Variants in ANKRD16 observed in about 807,000 individuals in gnomAD.
ANKRD16 encodes ankyrin repeat domain-containing protein 16.
In ANKRD16, 35 loss-of-function variants were observed where a neutral mutation model predicts 37.9. The observed-to-expected ratio is 0.92, with a 90% CI of 0.71 to 1.23. The LOEUF is 1.23. ANKRD16 is among the 50% of genes most tolerant of loss of function. ANKRD16 has a pLI of 0.00. For synonymous variants in ANKRD16, 206 were observed against 197.2 expected, an observed-to-expected ratio of 1.04 and a Z score of -0.37; for missense variants, 480 against 469.9, an observed-to-expected ratio of 1.02 and a Z score of -0.20.
In ANKRD16 at chr10:5,861,983, G is replaced by A. The variant is rs1447263244; in HGVS notation, c.*742C>T. 2 of 150,082 alleles carry A rather than the reference G, an allele frequency of 1.3e-5. No homozygotes were observed. Among genetic ancestry groups the A allele is most frequent in the Admixed American group, 1.4e-4 (2 of 14,752 alleles). The allele number at this position is 150,082 out of a possible 1,614,324, so 9.3% of individuals were successfully genotyped here. ...GTGGCGCATATTCGGCTCACTGCAA[G>A]CTCTGCCTCCAGGGTTCACAGCATT... On this transcript the variant is annotated 3_prime_UTR_variant, in exon 8 of 8. Coordinates refer to ENST00000380094, the MANE Select transcript of ANKRD16 (RefSeq NM_019046.3).
rs1445314222 is a variant in ANKRD16, at chr10:5,862,136, C to G, written c.*589G>C. 1 of 211,472 alleles carries G rather than the reference C, an allele frequency of 4.7e-6. No homozygotes were observed. Among genetic ancestry groups the G allele is most frequent in the Non-Finnish European group, 9.8e-6 (1 of 102,548 alleles). The allele number at this position is 211,472 out of a possible 1,614,324, so 13.1% of individuals were successfully genotyped here. On this transcript the variant is annotated 3_prime_UTR_variant, in exon 8 of 8. Coordinates refer to ENST00000380094, the MANE Select transcript of ANKRD16 (RefSeq NM_019046.3). This position sits in a 1 kb window ranked among gnomAD's most constrained non-coding sequence, Gnocchi z 6.5. Reference sequence around the variant, plus strand: ...GCCAGGATGGTCTCGATCTCCTGACCTCATGATCCTCCCGCCTCGGCCTCC... The same window carrying G: ...GCCAGGATGGTCTCGATCTCCTGACGTCATGATCCTCCCGCCTCGGCCTCC...
intron 5 of ANKRD16, among the ~76,000 whole-genome samples, chr10:5,881,436 ATT>A (rs879691099): frequency 4.8e-5 from 1 of 21,044 alleles, no homozygotes; most frequent in African/African-American, 1.5e-4. Context: ...TAAAAATATT[ATT>A]TATATATATA....
rs1842069126 is a variant in ANKRD16 at position 5,870,378 on chromosome 10, A to C, written c.*34-7687T>G. ...TTCCCTGCGACTCTGCCCGGGCACC[A>C]GCCAGTCCTCATTCCCTCCCTACTG... On this transcript the variant is annotated intron_variant, in intron 7 of 7. Transcript: ENST00000380094. This position sits in a 1 kb window ranked among gnomAD's most constrained non-coding sequence, Gnocchi z 5.0. 6.7e-6 allele frequency among the ~76,000 whole-genome samples: 1 copy of C among 148,960 alleles called. No homozygotes were observed.
At chr10:5,873,560 CT>C (rs1842136897) in intron 7 of ANKRD16, among the ~76,000 whole-genome samples, 1 of 152,146 alleles carries the variant, frequency 6.6e-6, no homozygotes. Flanking sequence ...TTCTCCTTTA[CT>C]ATCTTCTGTA....
intron 7 of ANKRD16, among the ~76,000 whole-genome samples, chr10:5,872,266 G>A (rs933472636): frequency 6.6e-6 from 1 of 152,004 alleles, no homozygotes; most frequent in African/African-American, 2.4e-5. Context: ...ATCACTCGAG[G>A]TCAGGAGTTT....
Position 5,878,264 on chromosome 10 carries a change from G to A in ANKRD16, c.952C>T (p.Gln318Ter), listed in dbSNP as rs1310300964. Residue 318 changes from glutamine to a stop codon, truncating the protein, a stop_gained, in exon 7 of 8, where the codon CAG becomes TAG. Transcript: ENST00000380094. LOFTEE classifies it high-confidence loss of function. The surrounding 1 kb of genome is among the most constrained non-coding windows in gnomAD (Gnocchi z 5.1). The part of the protein sequence containing the change: ...RSALHLACAG[Q>*]HLACAKFLLQ... ...AGAAACTTGGCACAGGCCAAGTGCT[G>A]ACCTGCACAGGCCAGATGCAGGGCT... 6.2e-7 allele frequency: 1 copy of A among 1,613,826 alleles called. No homozygotes were observed. The highest frequency in any genetic ancestry group is 8.5e-7 in the Non-Finnish European group (1 of 1,179,996).
chr10:5,880,991 G>A (rs1420549949), intron 5 of ANKRD16: 2 of 147,612 alleles, frequency 1.4e-5, no homozygotes, highest in African/African-American at 2.5e-5. Context: ...TAGAGACAAG[G>A]TCTCACTATG....
intron 6 of ANKRD16, among the ~76,000 whole-genome samples, chr10:5,879,437 CAGA>C (rs1842247625): frequency 6.6e-6 from 1 of 150,780 alleles, no homozygotes; most frequent in Non-Finnish European, 1.5e-5. Flanking sequence ...CACTGCCCTC[CAGA>C]CTGGGTGACA....
rs565214354 is a variant in ANKRD16 at position 5,889,429 on chromosome 10, G to A, written c.-75C>T. ...GCGGCCGGGCAGGGAGAAGCCGAGG[G>A]CGAGTGGGACTTTCCGCCTCTTCAC... On this transcript the variant is annotated 5_prime_UTR_variant, in exon 1 of 8. Transcript: ENST00000380094. 149 of 1,075,648 alleles carry A rather than the reference G, an allele frequency of 1.4e-4. No homozygotes were observed. The East Asian group carries it at 5.9e-3, about 43-fold the overall frequency. 66.6% of individuals were successfully genotyped at this position (1,075,648 alleles called of 1,614,324 possible).
Position 5,883,968 on chromosome 10 carries a change from C to A in ANKRD16, c.687+1G>T, listed in dbSNP as rs776763829. The A allele has an allele frequency of 1.2e-6, 2 of 1,613,030 alleles. No individual in the cohort carries two copies. Among genetic ancestry groups the A allele is most frequent in the South Asian group, 1.1e-5 (1 of 91,018 alleles). ...GAATAAAAACACAACCATTTTTATA[C>A]CCCATGTTCATCGAGGAGCAGCCTA... On this transcript the variant is annotated splice_donor_variant, in intron 4 of 7. Coordinates refer to ENST00000380094, the MANE Select transcript of ANKRD16 (RefSeq NM_019046.3). LOFTEE classifies it high-confidence loss of function.
rs1487093354 is a variant in ANKRD16 at position 5,869,281 on chromosome 10, T to C, written c.*34-6590A>G. ...ATGTCTGAATTAATCAAACTGTATA[T>C]ATCAAGGATGTGCAGCTTTGTGTAC... On this transcript the variant is annotated intron_variant, in intron 7 of 7. Transcript: ENST00000380094. This position sits in a 1 kb window ranked among gnomAD's most constrained non-coding sequence, Gnocchi z 4.0. Among the ~76,000 whole-genome samples, 1 of 152,166 alleles carries C rather than the reference T, an allele frequency of 6.6e-6. No homozygotes were observed. The highest frequency in any genetic ancestry group is 1.5e-5 in the Non-Finnish European group (1 of 68,024).
chr10:5,887,810 T>C (rs1308066320), intron 2 of ANKRD16, 37 bp downstream of exon 2: 2 of 1,551,812 alleles, frequency 1.3e-6, no homozygotes, highest in African/African-American at 2.7e-5. Flanking sequence ...AGCAGCCACA[T>C]GTGTGTACTG....
Position 5,865,210 on chromosome 10 carries a change from G to A in ANKRD16, c.*34-2519C>T, listed in dbSNP as rs1841995871. On this transcript the variant is annotated intron_variant, in intron 7 of 7. Coordinates refer to ENST00000380094, the MANE Select transcript of ANKRD16 (RefSeq NM_019046.3). The surrounding 1 kb of genome is among the most constrained non-coding windows in gnomAD (Gnocchi z 4.7). ...CCTGGTAGGGCTTGTTACCAGTGTG[G>A]TTTGCAAGGACACCTTAAAAAAGAC... Among the ~76,000 whole-genome samples the A allele has an allele frequency of 6.6e-6, 1 of 152,150 alleles. No homozygotes were observed. The highest frequency in any genetic ancestry group is 1.5e-5 in the Non-Finnish European group (1 of 68,024).
At chr10:5,877,267 C>T (rs1186763664) in intron 7 of ANKRD16, among the ~76,000 whole-genome samples, 1 of 152,212 alleles carries the variant, frequency 6.6e-6, no homozygotes, top group Non-Finnish European at 1.5e-5. Flanking sequence ...CATGCACCAG[C>T]ACAGCTGGCT....
At position 5,868,767 on chromosome 10, in the gene ANKRD16, G is replaced by A. The variant is rs773850318; in HGVS notation, c.*34-6076C>T. The stretch of plus-strand genomic sequence containing the variant: ...CCTTAAGAGCTGTAACATTCACTGC[G>A]AGGGTCTGCGGCTTCATTCCTTAAG... On this transcript the variant is annotated intron_variant, in intron 7 of 7. Coordinates refer to ENST00000380094, the MANE Select transcript of ANKRD16 (RefSeq NM_019046.3). The surrounding 1 kb of genome is among the most constrained non-coding windows in gnomAD (Gnocchi z 4.9). Among the ~76,000 whole-genome samples the A allele has an allele frequency of 1.3e-5, 2 of 152,192 alleles. No individual in the cohort carries two copies. The highest frequency in any genetic ancestry group is 4.8e-5 in the African/African-American group (2 of 41,440).
rs2203196 is a variant in ANKRD16 at position 5,866,246 on chromosome 10, G to A, written c.*34-3555C>T. On this transcript the variant is annotated intron_variant, in intron 7 of 7. Transcript: ENST00000380094. The surrounding 1 kb of genome is among the most constrained non-coding windows in gnomAD (Gnocchi z 4.3). ...CTTTTCTCCCAGAGGATGGGGAACC[G>A]ATCGAGCATGACTGCCAACAAGTTA... Among the ~76,000 whole-genome samples, 67,139 of 152,024 alleles carry A rather than the reference G, an allele frequency of 0.44. 15,711 individuals carry two copies. Among genetic ancestry groups the A allele is most frequent in the African/African-American group, 0.56 (23,280 of 41,458 alleles).
intron 3 of ANKRD16, 79 bp downstream of exon 3, chr10:5,885,644 G>A (rs930186079): frequency 1.5e-5 from 22 of 1,493,316 alleles, no homozygotes; most frequent in Non-Finnish European, 1.9e-5. Context: ...AAATGTGTCT[G>A]AGCTCTTTAT....
intron 7 of ANKRD16, among the ~76,000 whole-genome samples, chr10:5,876,039 A>G (rs1842179672): frequency 6.6e-6 from 1 of 152,124 alleles, no homozygotes; most frequent in Admixed American, 6.5e-5. Context: ...GCATGCCACC[A>G]CGCCGGGCTA....
At position 5,864,169 on chromosome 10, in the gene ANKRD16, G is replaced by A. The variant is rs998913487; in HGVS notation, c.*34-1478C>T. Among the ~76,000 whole-genome samples, 5 of 152,080 alleles carry A rather than the reference G, an allele frequency of 3.3e-5. No individual in the cohort carries two copies. Among genetic ancestry groups the A allele is most frequent in the Admixed American group, 6.6e-5 (1 of 15,264 alleles). ...CCTTATGTCCAAGCTTTCTTTTAAG[G>A]AGAATCCACAACTATGCAAAGCTTA... On this transcript the variant is annotated intron_variant, in intron 7 of 7. Transcript: ENST00000380094. The surrounding 1 kb of genome is among the most constrained non-coding windows in gnomAD (Gnocchi z 4.4).
Sources: allele counts gnomAD v4.1 joint callset (sites outside exome capture counted in the v4.1 genomes callset), GRCh38; gene constraint gnomAD v4.1.1; non-coding constraint Gnocchi (gnomAD v3.1); transcripts MANE v1.5; gene names NCBI Gene and HGNC (gene_info 2026-07-23, HGNC 2026-07-21).